GALNT11: variants seen among roughly 807,000 people sequenced by gnomAD.
The protein encoded by GALNT11 is polypeptide N-acetylgalactosaminyltransferase 11, also known as UDP-GalNAc:polypeptide N-acetylgalactosaminyltransferase 11.
Under a neutral mutation model 72.7 loss-of-function variants are expected in GALNT11, and 47 were observed. The ratio of observed to expected loss-of-function variants is 0.65; its 90% CI spans 0.51 to 0.82. The LOEUF is 0.82. Ranked by LOEUF, GALNT11 falls within the 40% of genes least tolerant of loss-of-function variation. The pLI is 0.00. For synonymous variants in GALNT11, 270 were observed against 286.6 expected (o/e 0.94, Z 0.58); for missense variants, 677 against 778.4 (o/e 0.87, Z 1.55).
intron 1 of GALNT11, among the ~76,000 whole-genome samples, chr7:152,037,316 ACT>A (rs2082628487): frequency 6.6e-6 from 1 of 151,250 alleles, no homozygotes; most frequent in African/African-American, 2.4e-5. Context: ...TATTGAAGAG[ACT>A]CTCCTTTTCC....
rs920263347 is a variant in GALNT11, at chr7:152,027,289, A to G, written c.-39+1405A>G. On this transcript the variant is annotated intron_variant, in intron 1 of 11. Transcript: ENST00000430044. ...TAATTTTTGTGGGTACATAGTAGGC[A>G]TATGTATTTATAGGTACATGAGATA... is the stretch of plus-strand genomic sequence containing the variant. 5.3e-5 allele frequency among the ~76,000 whole-genome samples: 8 copies of G among 152,242 alleles called. No individual in the cohort carries two copies. In the East Asian group the frequency reaches 9.6e-4, roughly 18 times the overall value.
intron 1 of GALNT11, among the ~76,000 whole-genome samples, chr7:152,082,795 C>T (rs1445608446): frequency 6.6e-6 from 1 of 152,248 alleles, no homozygotes; most frequent in African/African-American, 2.4e-5. Context: ...CCTACAGCCT[C>T]ACTCTCAGAA....
At chr7:152,114,039 C>T (rs188658889) in intron 8 of GALNT11, among the ~76,000 whole-genome samples, 9 of 151,984 alleles carry the variant, frequency 5.9e-5, no homozygotes, top group East Asian at 3.9e-4. Context: ...GCTGGGACTA[C>T]GTGTGTGAGC....
chr7:152,038,569 A>G (rs898459176), intron 1 of GALNT11, among the ~76,000 whole-genome samples: 1 of 152,156 alleles, frequency 6.6e-6, no homozygotes, highest in African/African-American at 2.4e-5. Context: ...GTTTATGGCC[A>G]GTTTTGGGGC....
intron 4 of GALNT11, chr7:152,103,962 G>C (rs1488967850): frequency 2.0e-5 from 3 of 152,224 alleles, no homozygotes; most frequent in Non-Finnish European, 4.4e-5. Context: ...AGATAAAAGT[G>C]GATTGCATTC....
chr7:152,085,457 C>T (rs572420979), intron 1 of GALNT11, among the ~76,000 whole-genome samples: 1 of 152,144 alleles, frequency 6.6e-6, no homozygotes, highest in African/African-American at 2.4e-5. Flanking sequence ...ACCTGAGATA[C>T]TTGCTTTGAC....
intron 1 of GALNT11, among the ~76,000 whole-genome samples, chr7:152,034,498 C>T (rs375824063): frequency 3.9e-4 from 59 of 152,234 alleles, no homozygotes; most frequent in African/African-American, 9.4e-4. Context: ...TCAGGGTTTG[C>T]GGGTCAAATT....
chr7:152,059,946 A>G (rs928605258), intron 1 of GALNT11, among the ~76,000 whole-genome samples: 5 of 152,326 alleles, frequency 3.3e-5, no homozygotes, highest in Non-Finnish European at 7.4e-5. Context: ...TCTAGCTATG[A>G]AAGGTTCTAA....
chr7:152,064,205 GTTATGTGATGGCCTTGTCTCTT>G (rs2084178376), intron 1 of GALNT11, among the ~76,000 whole-genome samples: 1 of 152,086 alleles, frequency 6.6e-6, no homozygotes, highest in African/African-American at 2.4e-5. Flanking sequence ...TCCCTTTACC[GTTATGTGATGGCCTTGTCTCTT>G]TTGATCTTCA....
intron 1 of GALNT11, among the ~76,000 whole-genome samples, chr7:152,061,845 G>T (rs2128999670): frequency 6.6e-6 from 1 of 152,206 alleles, no homozygotes; most frequent in South Asian, 2.1e-4. Context: ...TCTCTGTTTT[G>T]GTACCAGTAC....
At chr7:152,033,169 CG>C (rs1329422511) in intron 1 of GALNT11, among the ~76,000 whole-genome samples, 1 of 152,134 alleles carries the variant, frequency 6.6e-6, no homozygotes, top group Non-Finnish European at 1.5e-5. Flanking sequence ...CTTTGTCCTC[CG>C]GGGCAGTGCG....
chr7:152,057,922 G>A (rs10277069), intron 1 of GALNT11, among the ~76,000 whole-genome samples: 22,034 of 152,046 alleles, frequency 0.14, 3,780 homozygotes, highest in African/African-American at 0.41. Context: ...TTTGGTCATT[G>A]TGTCTCCTTA....
rs139294517 is a variant in GALNT11, at chr7:152,100,817, C to T, written c.315C>T (p.Arg105=). 6.9e-4 allele frequency: 1,111 copies of T among 1,613,660 alleles called. 10 individuals carry two copies. Among genetic ancestry groups the T allele is most frequent in the Middle Eastern group, 4.1e-3 (25 of 6,062 alleles). The part of the protein sequence containing the change: ...SSELGMIFNE[R]DQELRDLGYQ... ...TTGCAGGTATGATTTTTAATGAACG[C>T]GATCAAGAGTTGAGAGACTTGGGCT... Residue 105 remains arginine (R), a synonymous_variant, in exon 3 of 12, where the codon CGC becomes CGT. Transcript: ENST00000430044.
intron 1 of GALNT11, among the ~76,000 whole-genome samples, chr7:152,067,506 A>G (rs1015053342): frequency 3.3e-5 from 5 of 152,198 alleles, no homozygotes; most frequent in Non-Finnish European, 7.3e-5. Context: ...TTTTTTGTTC[A>G]GATGATTGTC....
chr7:152,035,286 G>A (rs921465324), intron 1 of GALNT11, among the ~76,000 whole-genome samples: 10 of 152,154 alleles, frequency 6.6e-5, no homozygotes, highest in Non-Finnish European at 2.9e-5. Context: ...GAGTCCTGGA[G>A]TTTATACTAG....
chr7:152,105,136 ATAGT>A (rs1587397363), intron 4 of GALNT11, 105 bp from the exon 5 acceptor site: 2 of 1,163,544 alleles, frequency 1.7e-6, no homozygotes, highest in East Asian at 2.5e-5. Flanking sequence ...TATTTGCTTG[ATAGT>A]TTGTTGTAAA....
chr7:152,105,363 C>G lies in GALNT11; in HGVS notation c.705C>G (p.His235Gln). The G allele has an allele frequency of 6.2e-7, 1 of 1,612,246 alleles. No homozygotes were observed. Among genetic ancestry groups the G allele is most frequent in the Non-Finnish European group, 8.5e-7 (1 of 1,179,130 alleles). The change falls in exon 5 of 12, where the codon CAC (histidine) becomes CAG (glutamine). Residue 235 changes from histidine (H) to glutamine (Q), a missense_variant. His to Gln is a conservative substitution (Grantham distance 24). Transcript: ENST00000430044. ...GAGGGAGAATGATTGGCGCGGCCCA[C>G]GCGACAGGTATCACTTCTCGTTAGC... ...LIRGRMIGAA[H>Q]ATGEVLVFLD...
At chr7:152,099,282 T>C (rs962513496) in intron 2 of GALNT11, among the ~76,000 whole-genome samples, 1 of 152,074 alleles carries the variant, frequency 6.6e-6, no homozygotes, top group Admixed American at 6.6e-5. Flanking sequence ...TACACCTGGA[T>C]ATTCATAAAA....
intron 1 of GALNT11, among the ~76,000 whole-genome samples, chr7:152,083,843 A>G (rs1048025365): frequency 2.0e-5 from 3 of 152,124 alleles, no homozygotes; most frequent in Non-Finnish European, 4.4e-5. Context: ...ACATCTTTCC[A>G]TTAGTTCAGG....
Sources: allele counts gnomAD v4.1 joint callset (sites outside exome capture counted in the v4.1 genomes callset), GRCh38; gene constraint gnomAD v4.1.1; transcripts MANE v1.5; gene names NCBI Gene and HGNC (gene_info 2026-07-23, HGNC 2026-07-21).